Variants in ADGRB3 observed in about 807,000 individuals in gnomAD.
The protein encoded by ADGRB3 is brain-specific angiogenesis inhibitor 3.
Under a neutral mutation model 193.4 loss-of-function variants are expected in ADGRB3, and 37 were observed. That is an observed-to-expected ratio of 0.19 (90% confidence interval 0.15 to 0.25). The LOEUF (loss-of-function observed/expected upper bound fraction) is 0.25. ADGRB3 is among the 10% of genes least tolerant of loss of function. ADGRB3 has a pLI of 1.00. For missense variants in ADGRB3, 1,637 were observed against 1,852.9 expected, an observed-to-expected ratio of 0.88 and a Z score of 2.14; for synonymous variants, 690 against 644.2, an observed-to-expected ratio of 1.07 and a Z score of -1.08.
At chr6:68,783,029 G>A (rs181836722) in intron 3 of ADGRB3, among the ~76,000 whole-genome samples, 14 of 151,842 alleles carry the variant, frequency 9.2e-5, no homozygotes, top group East Asian at 3.9e-4. Flanking sequence ...CATTATTGCC[G>A]CTGCTAATGC....
At chr6:68,868,282 G>T (rs519237) in intron 3 of ADGRB3, among the ~76,000 whole-genome samples, 47,549 of 152,000 alleles carry the variant, frequency 0.31, 8,076 homozygotes, top group East Asian at 0.59. Context: ...TCCCCCACTT[G>T]CTCTGTCTCT....
chr6:68,885,559 G>A (rs1473619492), intron 3 of ADGRB3, among the ~76,000 whole-genome samples: 1 of 152,082 alleles, frequency 6.6e-6, no homozygotes, highest in Non-Finnish European at 1.5e-5. Flanking sequence ...CAGTAAAATG[G>A]CGAGGCACAG....
At chr6:69,148,641 A>C (rs1429318506) in intron 17 of ADGRB3, among the ~76,000 whole-genome samples, 1 of 152,152 alleles carries the variant, frequency 6.6e-6, no homozygotes, top group Non-Finnish European at 1.5e-5. Flanking sequence ...TTGTACCTTC[A>C]GATGATTTCT....
intron 3 of ADGRB3, among the ~76,000 whole-genome samples, chr6:68,887,767 G>C (rs1297557687): frequency 6.6e-6 from 1 of 151,912 alleles, no homozygotes; most frequent in African/African-American, 2.4e-5. Context: ...TATATTAAAG[G>C]GAAGTGTATA....
At chr6:68,646,584 C>T (rs1317248000) in intron 3 of ADGRB3, among the ~76,000 whole-genome samples, 1 of 151,278 alleles carries the variant, frequency 6.6e-6, no homozygotes, top group Admixed American at 6.6e-5. Flanking sequence ...CATACTACTT[C>T]ATATGTTTTT....
At chr6:69,037,392 G>A (rs1372862627) in intron 13 of ADGRB3, among the ~76,000 whole-genome samples, 2 of 152,146 alleles carry the variant, frequency 1.3e-5, no homozygotes, top group Non-Finnish European at 2.9e-5. Context: ...TGCAGAGTTA[G>A]GTAGTTGCAA....
chr6:69,188,102 T>C (rs980570860), intron 17 of ADGRB3, among the ~76,000 whole-genome samples: 4 of 152,208 alleles, frequency 2.6e-5, no homozygotes, highest in African/African-American at 4.8e-5. Context: ...TGTTAGGTGA[T>C]TAATATTGCC....
At chr6:68,818,875 T>C (rs1266632083) in intron 3 of ADGRB3, among the ~76,000 whole-genome samples, 2 of 152,050 alleles carry the variant, frequency 1.3e-5, no homozygotes, top group Non-Finnish European at 2.9e-5. Flanking sequence ...AGCAACTCCC[T>C]GAGGAAAGAT....
intron 3 of ADGRB3, among the ~76,000 whole-genome samples, chr6:68,666,470 T>G (rs894334407): frequency 6.6e-6 from 1 of 151,886 alleles, no homozygotes; most frequent in African/African-American, 2.4e-5. Flanking sequence ...CACTTTTTGA[T>G]GGATACCTGT....
Position 68,720,853 on chromosome 6 carries a change from T to G in ADGRB3, c.757+81421T>G, listed in dbSNP as rs193158662. The stretch of plus-strand genomic sequence containing the variant: ...TTGTTTCTGCTGTTACCTTTCAGAG[T>G]CTGCAGAGCAATAAAATACCAGGTT... On this transcript the variant is annotated intron_variant, in intron 3 of 31. Coordinates refer to ENST00000370598, the MANE Select transcript of ADGRB3 (RefSeq NM_001704.3). Among the ~76,000 whole-genome samples the G allele has an allele frequency of 2.8e-4, 42 of 151,822 alleles. No individual in the cohort carries two copies. In the East Asian group the frequency reaches 7.4e-3, roughly 27 times the overall value.
intron 3 of ADGRB3, among the ~76,000 whole-genome samples, chr6:68,725,870 A>G (rs1344168123): frequency 6.6e-6 from 1 of 151,574 alleles, no homozygotes; most frequent in Non-Finnish European, 1.5e-5. Context: ...CTGAAATTAA[A>G]TTTAATTAAT....
intron 3 of ADGRB3, among the ~76,000 whole-genome samples, chr6:68,732,112 A>G (rs1765786723): frequency 6.6e-6 from 1 of 151,816 alleles, no homozygotes; most frequent in Admixed American, 6.6e-5. Context: ...ATTTTAAACA[A>G]TTTACTAGTC....
chr6:69,275,880 G>A (rs546858450), intron 20 of ADGRB3, among the ~76,000 whole-genome samples: 6 of 152,128 alleles, frequency 3.9e-5, no homozygotes, highest in Non-Finnish European at 8.8e-5. Context: ...CTTTCTGGAG[G>A]AAAGGAGAAT....
intron 3 of ADGRB3, among the ~76,000 whole-genome samples, chr6:68,756,244 A>C (rs1379696686): frequency 6.6e-6 from 1 of 152,206 alleles, no homozygotes; most frequent in Non-Finnish European, 1.5e-5. Flanking sequence ...CCTTGGTATA[A>C]TTTAAAGCAT....
chr6:68,761,974 A>G (rs1183381133), intron 3 of ADGRB3, among the ~76,000 whole-genome samples: 1 of 152,198 alleles, frequency 6.6e-6, no homozygotes, highest in African/African-American at 2.4e-5. Flanking sequence ...AATGATTTAA[A>G]CCATATTATT....
At chr6:68,955,298 G>T (rs924467514) in intron 6 of ADGRB3, among the ~76,000 whole-genome samples, 2 of 152,122 alleles carry the variant, frequency 1.3e-5, no homozygotes, top group Admixed American at 1.3e-4. Context: ...ACTATCCTTT[G>T]CAACACTGCC....
Position 68,968,937 on chromosome 6 carries a change from A to G in ADGRB3, c.1526-5826A>G, listed in dbSNP as rs142168257. 6.6e-3 allele frequency among the ~76,000 whole-genome samples: 1,006 copies of G among 152,278 alleles called. 10 individuals are homozygous for G. Among genetic ancestry groups the G allele is most frequent in the African/African-American group, 0.022 (923 of 41,552 alleles). ...AATTCACTTCTCAATTGCACTAGCCACATTTTCCTAGCACCTACCATACTG... is the reference window on the plus strand; with the variant it reads ...AATTCACTTCTCAATTGCACTAGCCGCATTTTCCTAGCACCTACCATACTG... On this transcript the variant is annotated intron_variant, in intron 8 of 31. Coordinates refer to ENST00000370598, the MANE Select transcript of ADGRB3 (RefSeq NM_001704.3).
chr6:69,016,995 C>T (rs1770111200), intron 12 of ADGRB3, among the ~76,000 whole-genome samples: 2 of 151,862 alleles, frequency 1.3e-5, no homozygotes, highest in South Asian at 2.1e-4. Context: ...AAATCTTAGG[C>T]ACATTCTTGA....
At chr6:68,852,990 C>T (rs1414734170) in intron 3 of ADGRB3, among the ~76,000 whole-genome samples, 4 of 152,028 alleles carry the variant, frequency 2.6e-5, no homozygotes, top group Admixed American at 6.6e-5. Context: ...ATATATACTG[C>T]TCAGCAGCAA....
Sources: allele counts gnomAD v4.1 joint callset (sites outside exome capture counted in the v4.1 genomes callset), GRCh38; gene constraint gnomAD v4.1.1; transcripts MANE v1.5; gene names NCBI Gene and HGNC (gene_info 2026-07-23, HGNC 2026-07-21).